ARSG: variants seen among roughly 807,000 people sequenced by gnomAD.
ARSG encodes the protein ASG.
In ARSG, 37 loss-of-function variants were observed where a neutral mutation model predicts 50.5. The ratio of observed to expected loss-of-function variants is 0.73; its 90% CI spans 0.56 to 0.96. The LOEUF is 0.96. Ranked by LOEUF, ARSG falls within the 50% of genes least tolerant of loss-of-function variation. The pLI is 0.00. For missense variants in ARSG, 629 were observed against 675.3 expected (o/e 0.93, Z 0.76); for synonymous variants, 225 against 254.6 (o/e 0.88, Z 1.11).
At chr17:68,304,579 A>G (rs1555763220) in intron 1 of ARSG, among the ~76,000 whole-genome samples, 3 of 152,238 alleles carry the variant, frequency 2.0e-5, no homozygotes, top group Admixed American at 6.5e-5. Flanking sequence ...GCAAGGATGT[A>G]CAACTGGAAA....
chr17:68,433,773 T>G, the ARSG span, among the ~76,000 whole-genome samples: 24 of 23,486 alleles, frequency 1.0e-3, no homozygotes, highest in East Asian at 8.8e-3. Flanking sequence ...TTTTTTTTTT[T>G]TTTTTTTTTT....
At chr17:68,394,530 T>C (rs919355159) in intron 9 of ARSG, among the ~76,000 whole-genome samples, 1 of 152,150 alleles carries the variant, frequency 6.6e-6, no homozygotes. Context: ...CCAGCTACTC[T>C]TGGAGTCAGA....
intron 2 of ARSG, among the ~76,000 whole-genome samples, chr17:68,324,086 A>T (rs1032878788): frequency 2.0e-5 from 3 of 151,764 alleles, no homozygotes; most frequent in Non-Finnish European, 4.4e-5. Flanking sequence ...AAAAAAAAAA[A>T]AAAAAGTTAA....
At chr17:68,383,001 C>A (rs541442954) in intron 8 of ARSG, among the ~76,000 whole-genome samples, 1 of 152,300 alleles carries the variant, frequency 6.6e-6, no homozygotes, top group Non-Finnish European at 1.5e-5. Context: ...ATTCCTGAAT[C>A]TTTTGCAAGG....
chr17:68,389,032 G>C (rs938102427), intron 9 of ARSG, among the ~76,000 whole-genome samples: 1 of 152,156 alleles, frequency 6.6e-6, no homozygotes, highest in Admixed American at 6.5e-5. Flanking sequence ...GTGTGTGGAA[G>C]AGGGATTCAG....
intron 1 of ARSG, among the ~76,000 whole-genome samples, chr17:68,293,735 T>C (rs1367973468): frequency 6.6e-6 from 1 of 152,184 alleles, no homozygotes; most frequent in Non-Finnish European, 1.5e-5. Context: ...GGTTACACCA[T>C]GTTTATAGAT....
chr17:68,293,143 A>T (rs1360374067), intron 1 of ARSG, among the ~76,000 whole-genome samples: 1 of 152,170 alleles, frequency 6.6e-6, no homozygotes, highest in Non-Finnish European at 1.5e-5. Context: ...ATATATAATG[A>T]TATTTAGAAA....
chr17:68,328,816 C>T (rs1233509473), intron 2 of ARSG, among the ~76,000 whole-genome samples: 1 of 152,128 alleles, frequency 6.6e-6, no homozygotes, highest in African/African-American at 2.4e-5. Flanking sequence ...AAGCCAGTGT[C>T]GATGCAGGCT....
At chr17:68,346,568 C>G (rs1190582191) in intron 3 of ARSG, among the ~76,000 whole-genome samples, 1 of 152,030 alleles carries the variant, frequency 6.6e-6, no homozygotes, top group East Asian at 1.9e-4. Context: ...CCCGATTATT[C>G]CCCCAGACTG....
chr17:68,408,419 C>A (rs2081842940), intron 11 of ARSG, among the ~76,000 whole-genome samples: 1 of 151,734 alleles, frequency 6.6e-6, no homozygotes, highest in African/African-American at 2.4e-5. Context: ...ATGATGATTT[C>A]CAATTTCATC....
intron 1 of ARSG, among the ~76,000 whole-genome samples, chr17:68,265,923 G>A (rs2075150987): frequency 6.6e-6 from 1 of 152,082 alleles, no homozygotes. Flanking sequence ...TGGCAGAGTT[G>A]ACTAGACAGA....
intron 11 of ARSG, among the ~76,000 whole-genome samples, chr17:68,406,190 TCTCACCCA>T (rs1159785252): frequency 2.3e-4 from 35 of 152,234 alleles, no homozygotes; most frequent in African/African-American, 8.4e-4. Context: ...TAGCCTCCAG[TCTCACCCA>T]GGTTGCTGCA....
chr17:68,429,541 G>A, the ARSG span, among the ~76,000 whole-genome samples: 13 of 152,182 alleles, frequency 8.5e-5, no homozygotes, highest in Admixed American at 3.3e-4. Flanking sequence ...ATTGAAGTCA[G>A]ATAGGAAAAG....
At chr17:68,297,114 C>A (rs1403060802) in intron 1 of ARSG, among the ~76,000 whole-genome samples, 1 of 152,158 alleles carries the variant, frequency 6.6e-6, no homozygotes, top group Non-Finnish European at 1.5e-5. Context: ...GTAGATCTTT[C>A]TTGCTTGAGC....
At chr17:68,413,096 C>T (rs1409744132) in intron 11 of ARSG, among the ~76,000 whole-genome samples, 2 of 151,954 alleles carry the variant, frequency 1.3e-5, no homozygotes, top group East Asian at 1.9e-4. Flanking sequence ...GTAATTTGAT[C>T]GTCTGAAGCC....
chr17:68,384,245 G>C (rs990007795), intron 8 of ARSG, among the ~76,000 whole-genome samples: 5 of 152,178 alleles, frequency 3.3e-5, no homozygotes, highest in African/African-American at 1.2e-4. Flanking sequence ...GGGTGTGTGT[G>C]GGGGTGGTGG....
chr17:68,394,939 G>A, intron 9 of ARSG, 134 bp from the exon 10 acceptor site: 5 of 1,260,820 alleles, frequency 4.0e-6, no homozygotes, highest in Non-Finnish European at 5.5e-6. Flanking sequence ...AAACAAGCAG[G>A]TAGAGAAGTT....
intron 2 of ARSG, among the ~76,000 whole-genome samples, chr17:68,325,497 C>T (rs1370372040): frequency 1.3e-5 from 2 of 152,204 alleles, no homozygotes; most frequent in African/African-American, 4.8e-5. Context: ...CCTCCCAACC[C>T]CTGTCTGTGG....
intron 1 of ARSG, among the ~76,000 whole-genome samples, chr17:68,260,583 G>A (rs2075057262): frequency 6.6e-6 from 1 of 152,210 alleles, no homozygotes; most frequent in South Asian, 2.1e-4. Context: ...CACCTCCCGT[G>A]GTCAAGTGGT....
Sources: gnomAD v4.1 joint callset for allele counts (sites outside exome capture counted in the v4.1 genomes callset) on GRCh38, gnomAD v4.1.1 for gene constraint, MANE v1.5 for transcripts, NCBI Gene and HGNC (gene_info 2026-07-23, HGNC 2026-07-21) for gene names.